Variants in ZNF385D observed in about 807,000 individuals in gnomAD.
ZNF385D encodes the protein zinc finger protein 659.
A neutral mutation model predicts 35.8 loss-of-function variants in ZNF385D; 15 were observed. The observed-to-expected ratio is 0.42, with a 90% CI of 0.28 to 0.64. The LOEUF (loss-of-function observed/expected upper bound fraction) is 0.64. Ranked by LOEUF, ZNF385D falls within the 30% of genes least tolerant of loss-of-function variation. The pLI is 0.23. For missense variants in ZNF385D, 474 were observed against 494.6 expected (o/e 0.96, Z 0.39); for synonymous variants, 212 against 186.8 (o/e 1.13, Z -1.10).
chr3:21,944,832 G>C (rs971484025), intron 3 of ZNF385D, among the ~76,000 whole-genome samples: 5 of 151,914 alleles, frequency 3.3e-5, no homozygotes, highest in African/African-American at 1.2e-4. Context: ...CAAATTCATT[G>C]ATGAATAAAA....
At chr3:22,129,529 TACTC>T (rs1337847643) in intron 3 of ZNF385D, among the ~76,000 whole-genome samples, 1 of 152,086 alleles carries the variant, frequency 6.6e-6, no homozygotes, top group African/African-American at 2.4e-5. Flanking sequence ...GTTGAGCTAA[TACTC>T]AGGTTGCAAG....
intron 3 of ZNF385D, among the ~76,000 whole-genome samples, chr3:22,057,734 G>C (rs573462193): frequency 2.0e-5 from 3 of 151,926 alleles, no homozygotes; most frequent in Non-Finnish European, 2.9e-5. Flanking sequence ...GGCTGGTCTC[G>C]AACTCCTGAC....
At chr3:22,060,139 A>C (rs1699616149) in intron 3 of ZNF385D, among the ~76,000 whole-genome samples, 1 of 152,108 alleles carries the variant, frequency 6.6e-6, no homozygotes, top group African/African-American at 2.4e-5. Context: ...TAACTCCCCT[A>C]ATTCCCAGCC....
At chr3:22,233,072 C>A (rs1053410130) in intron 2 of ZNF385D, among the ~76,000 whole-genome samples, 1 of 152,040 alleles carries the variant, frequency 6.6e-6, no homozygotes, top group African/African-American at 2.4e-5. Context: ...GAAATTTTTA[C>A]TATAATTTTT....
chr3:21,829,055 C>A (rs765974907), intron 3 of ZNF385D, among the ~76,000 whole-genome samples: 1 of 152,142 alleles, frequency 6.6e-6, no homozygotes, highest in South Asian at 2.1e-4. Flanking sequence ...ATCTTCAAAG[C>A]CCCTGTTGCC....
chr3:21,673,312 G>A (rs1488744152), intron 1 of ZNF385D, among the ~76,000 whole-genome samples: 2 of 152,098 alleles, frequency 1.3e-5, no homozygotes, highest in Non-Finnish European at 2.9e-5. Flanking sequence ...ATAGCCACAT[G>A]GGGCTAGAGG....
At chr3:22,350,429 C>T (rs901811429) in intron 2 of ZNF385D, among the ~76,000 whole-genome samples, 4 of 152,018 alleles carry the variant, frequency 2.6e-5, no homozygotes, top group South Asian at 2.1e-4. Flanking sequence ...AAAATATTGA[C>T]GATAAAATAT....
intron 3 of ZNF385D, among the ~76,000 whole-genome samples, chr3:22,160,733 G>C (rs575373617): frequency 6.6e-6 from 1 of 151,928 alleles, no homozygotes; most frequent in Admixed American, 6.6e-5. Context: ...TGCAGATAAA[G>C]CTGAATTATT....
At chr3:22,006,270 T>C (rs1230835608) in intron 3 of ZNF385D, among the ~76,000 whole-genome samples, 1 of 152,160 alleles carries the variant, frequency 6.6e-6, no homozygotes, top group South Asian at 2.1e-4. Flanking sequence ...ACTGTCATCC[T>C]TGTTGATCTC....
intron 3 of ZNF385D, among the ~76,000 whole-genome samples, chr3:21,871,479 A>G (rs193008617): frequency 3.7e-4 from 57 of 152,302 alleles, no homozygotes; most frequent in Non-Finnish European, 6.0e-4. Flanking sequence ...ACTTTGTTAT[A>G]TTAATTGCTC....
chr3:22,034,309 A>C (rs553006282), intron 3 of ZNF385D, among the ~76,000 whole-genome samples: 2 of 152,300 alleles, frequency 1.3e-5, no homozygotes, highest in East Asian at 3.9e-4. Context: ...CAAAACAAGA[A>C]GCTGGCAGTT....
At chr3:22,164,824 A>T (rs942011260) in intron 3 of ZNF385D, among the ~76,000 whole-genome samples, 1 of 152,172 alleles carries the variant, frequency 6.6e-6, no homozygotes, top group African/African-American at 2.4e-5. Flanking sequence ...AAAGCAGGAT[A>T]GTTCGATGCT....
rs1302148634 is a variant in ZNF385D at position 21,412,865 on chromosome 3, T to C, written c.*8349A>G. 6.6e-6 allele frequency: 1 copy of C among 152,118 alleles called. No homozygotes were observed. Among genetic ancestry groups the C allele is most frequent in the Non-Finnish European group, 1.5e-5 (1 of 67,984 alleles). The allele number at this position is 152,118 out of a possible 1,614,324, so 9.4% of individuals were successfully genotyped here. Reference sequence around the variant, plus strand: ...TTTTACATTTCTGAGTCAATAATATTGGAAGCAGCTTCATTTTATAGTGGG... The same window carrying C: ...TTTTACATTTCTGAGTCAATAATATCGGAAGCAGCTTCATTTTATAGTGGG... On this transcript the variant is annotated 3_prime_UTR_variant, in exon 8 of 8. Coordinates refer to ENST00000281523, the MANE Select transcript of ZNF385D (RefSeq NM_024697.3).
intron 3 of ZNF385D, among the ~76,000 whole-genome samples, chr3:21,836,244 A>T (rs979372664): frequency 1.3e-5 from 2 of 152,154 alleles, no homozygotes; most frequent in African/African-American, 2.4e-5. Flanking sequence ...AGAAAAACAT[A>T]AATATGGAGG....
At chr3:22,361,191 G>A (rs905196191) in intron 2 of ZNF385D, among the ~76,000 whole-genome samples, 1 of 151,954 alleles carries the variant, frequency 6.6e-6, no homozygotes, top group African/African-American at 2.4e-5. Flanking sequence ...CTCAGCTAAT[G>A]GACAAGATGA....
chr3:22,313,697 T>C (rs1486068528), intron 2 of ZNF385D, among the ~76,000 whole-genome samples: 1 of 152,124 alleles, frequency 6.6e-6, no homozygotes, highest in Non-Finnish European at 1.5e-5. Context: ...TCTATAAAGA[T>C]AGGGCAGAGT....
At chr3:22,072,237 C>A (rs963650849) in intron 3 of ZNF385D, among the ~76,000 whole-genome samples, 4 of 151,972 alleles carry the variant, frequency 2.6e-5, no homozygotes, top group African/African-American at 9.7e-5. Context: ...CTTAATTGGG[C>A]ATGGAAAATT....
At chr3:22,293,789 G>A (rs571599464) in intron 2 of ZNF385D, among the ~76,000 whole-genome samples, 42 of 152,176 alleles carry the variant, frequency 2.8e-4, no homozygotes, top group African/African-American at 9.9e-4. Flanking sequence ...ATGAAAATAG[G>A]TTCTACTTGA....
At chr3:21,675,054 C>A (rs1323244009) in intron 1 of ZNF385D, among the ~76,000 whole-genome samples, 2 of 151,994 alleles carry the variant, frequency 1.3e-5, no homozygotes, top group Non-Finnish European at 2.9e-5. Context: ...CAATGGTGTA[C>A]ATTTACAAAC....
Sources: allele counts gnomAD v4.1 joint callset (sites outside exome capture counted in the v4.1 genomes callset), GRCh38; gene constraint gnomAD v4.1.1; transcripts MANE v1.5; gene names NCBI Gene and HGNC (gene_info 2026-07-23, HGNC 2026-07-21).